VPS13B: variants seen among roughly 807,000 people sequenced by gnomAD.
VPS13B encodes the protein vacuolar protein sorting 13 homolog B.
A neutral mutation model predicts 426.4 loss-of-function variants in VPS13B; 285 were observed. That is an observed-to-expected ratio of 0.67 (90% CI 0.61 to 0.74). VPS13B has a LOEUF of 0.74. Among genes scored for constraint, VPS13B ranks in the 30% least tolerant of loss-of-function variants. The pLI is 0.00. For missense variants in VPS13B, 4,537 were observed against 4,782.6 expected, an observed-to-expected ratio of 0.95 and a Z score of 1.51; for synonymous variants, 1,676 against 1,676.4, an observed-to-expected ratio of 1.00 and a Z score of 0.01.
At chr8:99,530,509 G>A (rs1314752806) in intron 30 of VPS13B, among the ~76,000 whole-genome samples, 1 of 151,854 alleles carries the variant, frequency 6.6e-6, no homozygotes, top group African/African-American at 2.4e-5. Flanking sequence ...AGCTACTTGG[G>A]AGGCTGAGAC....
chr8:99,809,531 G>C lies in VPS13B; in HGVS notation c.8097+1G>C. 6.2e-7 allele frequency: 1 copy of C among 1,613,918 alleles called. No homozygotes were observed. The highest frequency in any genetic ancestry group is 1.7e-5 in the Admixed American group (1 of 60,006). Reference sequence around the variant, plus strand: ...GCAACTCAATGGAGTACAAAAACAGGTAAGTTTCTTTGTGTTCATGACCCA... The same window carrying C: ...GCAACTCAATGGAGTACAAAAACAGCTAAGTTTCTTTGTGTTCATGACCCA... On this transcript the variant is annotated splice_donor_variant, in intron 44 of 61. Transcript: ENST00000357162. LOFTEE classifies it high-confidence loss of function.
intron 35 of VPS13B, among the ~76,000 whole-genome samples, chr8:99,669,228 G>GT (rs1250130067): frequency 6.6e-6 from 1 of 151,792 alleles, no homozygotes; most frequent in African/African-American, 2.4e-5. Flanking sequence ...CATTTTAAAA[G>GT]TTTTTTTAAC....
At chr8:99,356,937 A>C (rs537142697) in intron 19 of VPS13B, among the ~76,000 whole-genome samples, 1 of 152,212 alleles carries the variant, frequency 6.6e-6, no homozygotes, top group South Asian at 2.1e-4. Flanking sequence ...TCTATTTTGA[A>C]ATCTATTTTT....
At chr8:99,668,519 A>G (rs759181933) in intron 35 of VPS13B, among the ~76,000 whole-genome samples, 2 of 152,190 alleles carry the variant, frequency 1.3e-5, no homozygotes, top group Non-Finnish European at 2.9e-5. Context: ...AGGTGATACA[A>G]ATGCTGCTCT....
intron 21 of VPS13B, among the ~76,000 whole-genome samples, chr8:99,423,917 T>C (rs1816527557): frequency 6.6e-6 from 1 of 152,130 alleles, no homozygotes; most frequent in Non-Finnish European, 1.5e-5. Flanking sequence ...CTTAGATGTT[T>C]ATTAGGTCCG....
In VPS13B at chr8:99,189,545, TG is replaced by T. The variant is rs200534081; in HGVS notation, c.2334-3330del. 1.1e-3 allele frequency among the ~76,000 whole-genome samples: 168 copies of T among 148,142 alleles called. 1 individual carries two copies. The highest frequency in any genetic ancestry group is 4.1e-3 in the African/African-American group (165 of 40,140). ...GTTTATTTTAGACAAGATTTTTTTTTGATAAATATTTCTGTATACTATTTCT... is the reference window on the plus strand; with the variant it reads ...GTTTATTTTAGACAAGATTTTTTTTTATAAATATTTCTGTATACTATTTCT... On this transcript the variant is annotated intron_variant, in intron 16 of 61. Coordinates refer to ENST00000357162, the MANE Select transcript of VPS13B (RefSeq NM_152564.5).
chr8:99,069,094 G>C (rs1199535788), intron 3 of VPS13B, among the ~76,000 whole-genome samples: 1 of 152,018 alleles, frequency 6.6e-6, no homozygotes, highest in Non-Finnish European at 1.5e-5. Context: ...GTTGGTAATT[G>C]CTAAAATTTG....
At chr8:99,203,083 C>A (rs1814450774) in intron 17 of VPS13B, among the ~76,000 whole-genome samples, 1 of 151,838 alleles carries the variant, frequency 6.6e-6, no homozygotes, top group Admixed American at 6.6e-5. Context: ...AGGCTGATAT[C>A]CCTGATGAAC....
chr8:99,699,511 T>C lies in VPS13B; in HGVS notation c.6047-14T>C, dbSNP rs753675844. ...AAAGCTTCAATAATTGTTTTCTCTT[T>C]TTTACTTCTATAGCGGATGTCAATT... On this transcript the variant is annotated splice_polypyrimidine_tract_variant and intron_variant, in intron 35 of 61. Coordinates refer to ENST00000357162, the MANE Select transcript of VPS13B (RefSeq NM_152564.5). 6.8e-6 allele frequency: 11 copies of C among 1,612,496 alleles called. No individual in the cohort carries two copies. The highest frequency in any genetic ancestry group is 8.5e-6 in the Non-Finnish European group (10 of 1,179,878).
chr8:99,359,709 A>G (rs1441791553), intron 19 of VPS13B, among the ~76,000 whole-genome samples: 1 of 152,282 alleles, frequency 6.6e-6, no homozygotes, highest in Non-Finnish European at 1.5e-5. Context: ...TGGATTAACC[A>G]CATAGTAATT....
intron 30 of VPS13B, among the ~76,000 whole-genome samples, chr8:99,543,157 G>A (rs1009208509): frequency 7.2e-5 from 11 of 151,836 alleles, no homozygotes; most frequent in African/African-American, 1.5e-4. Context: ...AAATAACGCC[G>A]CAGATCTACA....
chr8:99,406,049 A>G (rs181417283), intron 21 of VPS13B, among the ~76,000 whole-genome samples: 7 of 152,254 alleles, frequency 4.6e-5, no homozygotes, highest in Non-Finnish European at 1.5e-5. Flanking sequence ...AAGTGCTTGG[A>G]TTACAGGCGT....
chr8:99,131,002 G>GT (rs1035708461), intron 8 of VPS13B, among the ~76,000 whole-genome samples: 7 of 152,060 alleles, frequency 4.6e-5, no homozygotes, highest in Middle Eastern at 3.2e-3. Flanking sequence ...TTAAATATTG[G>GT]TTTTTTTAAA....
At chr8:99,731,569 AG>A (rs1833600383) in intron 39 of VPS13B, among the ~76,000 whole-genome samples, 1 of 152,152 alleles carries the variant, frequency 6.6e-6, no homozygotes. Flanking sequence ...AAACATTAGT[AG>A]TCTTGTGGAG....
At chr8:99,752,321 C>A (rs993105644) in intron 39 of VPS13B, among the ~76,000 whole-genome samples, 1 of 152,168 alleles carries the variant, frequency 6.6e-6, no homozygotes, top group Admixed American at 6.6e-5. Flanking sequence ...CCTAAAGGGC[C>A]TCTGTAAGGG....
At chr8:99,719,705 T>C (rs1833061219) in intron 37 of VPS13B, among the ~76,000 whole-genome samples, 1 of 152,314 alleles carries the variant, frequency 6.6e-6, no homozygotes, top group African/African-American at 2.4e-5. Flanking sequence ...ATTACTCACA[T>C]GCAGAAAAAT....
In VPS13B at chr8:99,848,807, A is replaced by G. The variant is rs780352522; in HGVS notation, c.9974A>G (p.Tyr3325Cys). 3.1e-6 allele frequency: 5 copies of G among 1,614,012 alleles called. No homozygotes were observed. Among genetic ancestry groups the G allele is most frequent in the Non-Finnish European group, 4.2e-6 (5 of 1,180,004 alleles). ...TTCCTGACTGGCTTTGGCTATGTGT[A>G]TGTGGATGTTGTACATCAGTGTGGC... Reference protein sequence around the residue: ...VVFLTGFGYVYVDVVHQCGTV... With the variant: ...VVFLTGFGYVCVDVVHQCGTV... Residue 3325 changes from tyrosine (Y) to cysteine (C), a missense_variant, in exon 55 of 62, where the codon TAT becomes TGT. Around this residue, in one of 2 missense-constraint regions of VPS13B, gnomAD observed 4,311 missense variants for 4,474.3 expected, o/e 0.96. Transcript: ENST00000357162.
At chr8:99,741,285 A>G (rs1488329845) in intron 39 of VPS13B, among the ~76,000 whole-genome samples, 1 of 152,210 alleles carries the variant, frequency 6.6e-6, no homozygotes, top group Non-Finnish European at 1.5e-5. Context: ...TATCCTAAAT[A>G]TATATGCACC....
At chr8:99,393,813 T>C (rs1354201369) in intron 21 of VPS13B, among the ~76,000 whole-genome samples, 1 of 152,118 alleles carries the variant, frequency 6.6e-6, no homozygotes, top group Admixed American at 6.6e-5. Context: ...TAATACTCTG[T>C]CCTAAACATT....
Sources: gnomAD v4.1 joint callset for allele counts (sites outside exome capture counted in the v4.1 genomes callset) on GRCh38, gnomAD v4.1.1 for gene constraint, gnomAD v4.1.1 regional missense constraint, MANE v1.5 for transcripts, NCBI Gene and HGNC (gene_info 2026-07-23, HGNC 2026-07-21) for gene names.